DENND1A: variants seen among roughly 807,000 people sequenced by gnomAD.
DENND1A encodes the protein DENN domain-containing protein 1A.
A neutral mutation model predicts 113.7 loss-of-function variants in DENND1A; 51 were observed. That is an observed-to-expected ratio of 0.45 (90% CI 0.36 to 0.57). The LOEUF is 0.57. Ranked by LOEUF, DENND1A falls within the 20% of genes least tolerant of loss-of-function variation. The pLI, the probability that DENND1A is intolerant of heterozygous loss-of-function variation, is 0.00. For missense variants in DENND1A, 1,258 were observed against 1,395.9 expected (o/e 0.90, Z 1.57); for synonymous variants, 565 against 570.8 (o/e 0.99, Z 0.14).
rs2061034673 is a variant in DENND1A, at chr9:123,623,129, C to T, written c.719+7247G>A. On this transcript the variant is annotated intron_variant, in intron 10 of 23. Transcript: ENST00000394215. Reference sequence around the variant, plus strand: ...GCAAATGAAAACAACCATACAATAACTCAAGTTAAATAAAAAAAAAATCAA... The same window carrying T: ...GCAAATGAAAACAACCATACAATAATTCAAGTTAAATAAAAAAAAAATCAA... Among the ~76,000 whole-genome samples, 3 of 151,998 alleles carry T rather than the reference C, an allele frequency of 2.0e-5. No homozygotes were observed. In the South Asian group the frequency reaches 6.2e-4, roughly 32 times the overall value.
rs1459765834 is a variant in DENND1A at position 123,471,651 on chromosome 9, A to C, written c.994-13754T>G. Among the ~76,000 whole-genome samples the C allele has an allele frequency of 2.0e-5, 3 of 152,326 alleles. No homozygotes were observed. In the East Asian group the frequency reaches 5.8e-4, roughly 29 times the overall value. On this transcript the variant is annotated intron_variant, in intron 13 of 23. Coordinates refer to ENST00000394215, the MANE Select transcript of DENND1A (RefSeq NM_001352964.2). ...TGGCTGCACGTTGACTTCTCGTAAG[A>C]ACCCTACAAAGACAGGCTCTTGAGC...
At chr9:123,646,556 G>T (rs1448458747) in intron 9 of DENND1A, among the ~76,000 whole-genome samples, 1 of 151,940 alleles carries the variant, frequency 6.6e-6, no homozygotes, top group African/African-American at 2.4e-5. Flanking sequence ...CCACAGTGTC[G>T]CCTTTCCTGT....
At chr9:123,865,302 T>C (rs1845655276) in intron 2 of DENND1A, among the ~76,000 whole-genome samples, 1 of 152,198 alleles carries the variant, frequency 6.6e-6, no homozygotes, top group Non-Finnish European at 1.5e-5. Flanking sequence ...CCAAGTCAAC[T>C]CAATTTCCAT....
intron 22 of DENND1A, among the ~76,000 whole-genome samples, 169 bp downstream of exon 22, chr9:123,387,561 G>A (rs986720643): frequency 6.6e-6 from 1 of 152,172 alleles, no homozygotes; most frequent in Non-Finnish European, 1.5e-5. Context: ...GAGGTGGCAC[G>A]CAGAGGTGGT....
In DENND1A at chr9:123,457,429, C is replaced by T; in HGVS notation, c.1105G>A (p.Asp369Asn). ...GAATTGAGAAGATCTAATCGACCAT[C>T]AATAAACTATAGAAAGAAGGAACAA... ...TQLQLFKQFIDGRLDLLNSGE... is the reference protein window; with the variant it reads ...TQLQLFKQFINGRLDLLNSGE... The change falls in exon 15 of 24, where the codon GAT (aspartate) becomes AAT (asparagine). Residue 369 changes from aspartate (D) to asparagine (N), a missense_variant. Asp to Asn is a conservative substitution (Grantham distance 23, BLOSUM62 1). Transcript: ENST00000394215. 1 of 1,613,078 alleles carries T rather than the reference C, an allele frequency of 6.2e-7. No homozygotes were observed. The highest frequency in any genetic ancestry group is 8.5e-7 in the Non-Finnish European group (1 of 1,179,208).
At chr9:123,809,624 T>G (rs1433373441) in intron 2 of DENND1A, among the ~76,000 whole-genome samples, 1 of 152,194 alleles carries the variant, frequency 6.6e-6, no homozygotes, top group Non-Finnish European at 1.5e-5. Flanking sequence ...AAACAATTAT[T>G]AAAGATTTTT....
intron 11 of DENND1A, among the ~76,000 whole-genome samples, chr9:123,588,769 TTTTG>T (rs1228783558): frequency 9.0e-6 from 1 of 111,096 alleles, no homozygotes; most frequent in Middle Eastern, 4.1e-3. Context: ...AATAATTCTA[TTTTG>T]TTTTTTTTTT....
At chr9:123,767,962 C>T (rs1389518886) in intron 4 of DENND1A, among the ~76,000 whole-genome samples, 1 of 152,100 alleles carries the variant, frequency 6.6e-6, no homozygotes, top group Non-Finnish European at 1.5e-5. Context: ...ATTTGTCATA[C>T]ATTTTATAAG....
At chr9:123,824,881 C>A (rs1210899667) in intron 2 of DENND1A, among the ~76,000 whole-genome samples, 2 of 152,144 alleles carry the variant, frequency 1.3e-5, no homozygotes, top group Non-Finnish European at 2.9e-5. Context: ...ATTTCAAGAA[C>A]ATAGGTTTTA....
chr9:123,815,919 CA>C (rs1402739504), intron 2 of DENND1A, among the ~76,000 whole-genome samples: 2 of 141,314 alleles, frequency 1.4e-5, no homozygotes, highest in Admixed American at 1.5e-4. Context: ...GCTACATGTT[CA>C]AAGAGAGTAA....
intron 12 of DENND1A, among the ~76,000 whole-genome samples, chr9:123,566,682 T>C (rs2058069729): frequency 6.6e-6 from 1 of 152,112 alleles, no homozygotes; most frequent in Non-Finnish European, 1.5e-5. Flanking sequence ...CTGTTTCCAC[T>C]ATCTGCCAAA....
chr9:123,830,904 GAAAAGAATAGGAA>G (rs777267475), intron 2 of DENND1A, among the ~76,000 whole-genome samples: 24 of 59,068 alleles, frequency 4.1e-4, no homozygotes, highest in Non-Finnish European at 7.7e-4. Flanking sequence ...AAAAAAACCA[GAAAAGAATAGGAA>G]ATCCTGCCAT....
chr9:123,848,227 TTAAAAAA>T (rs1157391382), intron 2 of DENND1A, among the ~76,000 whole-genome samples: 2 of 93,592 alleles, frequency 2.1e-5, no homozygotes, highest in Non-Finnish European at 4.1e-5. Context: ...AGATACTGCT[TTAAAAAA>T]AAAAAAAAAA....
chr9:123,698,734 C>T (rs1419392607), intron 5 of DENND1A, among the ~76,000 whole-genome samples: 1 of 152,326 alleles, frequency 6.6e-6, no homozygotes, highest in Non-Finnish European at 1.5e-5. Flanking sequence ...TGCTGTTTGG[C>T]TCAAGCCACT....
At chr9:123,458,851 C>T (rs1376778186) in intron 13 of DENND1A, among the ~76,000 whole-genome samples, 2 of 152,140 alleles carry the variant, frequency 1.3e-5, no homozygotes, top group African/African-American at 4.8e-5. Flanking sequence ...ATCCCAGTTA[C>T]TTAGGAAAGC....
intron 2 of DENND1A, among the ~76,000 whole-genome samples, chr9:123,812,625 T>C (rs968883563): frequency 6.6e-6 from 1 of 152,214 alleles, no homozygotes; most frequent in Admixed American, 6.5e-5. Flanking sequence ...GGTTGATTTT[T>C]GACATTTTCT....
intron 13 of DENND1A, among the ~76,000 whole-genome samples, chr9:123,503,891 G>C (rs1348105326): frequency 6.6e-6 from 1 of 152,180 alleles, no homozygotes; most frequent in East Asian, 1.9e-4. Flanking sequence ...TGAGGGTCCT[G>C]TCGGGTCTTT....
intron 13 of DENND1A, among the ~76,000 whole-genome samples, chr9:123,548,201 A>ATC (rs773458183): frequency 6.6e-6 from 1 of 152,106 alleles, no homozygotes; most frequent in Non-Finnish European, 1.5e-5. Flanking sequence ...ACCTCCCCTT[A>ATC]TCCTTGCTTC....
intron 13 of DENND1A, among the ~76,000 whole-genome samples, chr9:123,512,185 T>C (rs1281812938): frequency 6.6e-6 from 1 of 152,236 alleles, no homozygotes; most frequent in African/African-American, 2.4e-5. Flanking sequence ...GAATCTCTCA[T>C]GCTGCAGCGG....
Sources: gnomAD v4.1 joint callset for allele counts (sites outside exome capture counted in the v4.1 genomes callset) on GRCh38, gnomAD v4.1.1 for gene constraint, MANE v1.5 for transcripts, NCBI Gene and HGNC (gene_info 2026-07-23, HGNC 2026-07-21) for gene names.